GLI3: variants seen among roughly 807,000 people sequenced by gnomAD.
GLI3 encodes the protein transcription activator GLI3.
A neutral mutation model predicts 100.8 loss-of-function variants in GLI3; 20 were observed. The ratio of observed to expected loss-of-function variants is 0.20; its 90% CI spans 0.14 to 0.29. The LOEUF (loss-of-function observed/expected upper bound fraction) is 0.29. Ranked by LOEUF, GLI3 falls within the 10% of genes least tolerant of loss-of-function variation. The pLI, the probability that GLI3 is intolerant of heterozygous loss-of-function variation, is 1.00. For synonymous variants in GLI3, 938 were observed against 860.5 expected (o/e 1.09, Z -1.58); for missense variants, 2,040 against 2,128.5 (o/e 0.96, Z 0.82).
In GLI3 at chr7:42,209,632, A is replaced by G. The variant is rs369202564; in HGVS notation, c.124+13498T>C. Among the ~76,000 whole-genome samples the G allele has an allele frequency of 3.3e-5, 5 of 152,262 alleles. No individual in the cohort carries two copies. The East Asian group carries it at 7.7e-4, about 23-fold the overall frequency. ...GAATATCAAGAATATCAAGGGAGAG[A>G]GAGCTCTTTAAATCATGTGACCCAA... On this transcript the variant is annotated intron_variant, in intron 2 of 14. Coordinates refer to ENST00000395925, the MANE Select transcript of GLI3 (RefSeq NM_000168.6).
intron 9 of GLI3, 56 bp downstream of exon 9, chr7:42,025,208 A>G: frequency 8.4e-7 from 1 of 1,195,842 alleles, no homozygotes. Context: ...GAGCTGACCC[A>G]AAGACACCAG....
chr7:42,203,711 AT>A (rs1264679474), intron 2 of GLI3, among the ~76,000 whole-genome samples: 7 of 152,086 alleles, frequency 4.6e-5, no homozygotes, highest in Admixed American at 1.3e-4. Context: ...TAAAATATTG[AT>A]TTGAGGCTTG....
intron 13 of GLI3, among the ~76,000 whole-genome samples, chr7:41,968,752 GA>G (rs1485662763): frequency 1.4e-3 from 170 of 121,354 alleles, no homozygotes; most frequent in Middle Eastern, 4.1e-3. Flanking sequence ...AAGAAAGAAA[GA>G]AAGAAAGAAG....
At position 41,972,811 on chromosome 7, in the gene GLI3, G is replaced by T. The variant is rs1787401128; in HGVS notation, c.1813-184C>A. Among the ~76,000 whole-genome samples, 1 of 152,196 alleles carries T rather than the reference G, an allele frequency of 6.6e-6. No homozygotes were observed. Among genetic ancestry groups the T allele is most frequent in the Admixed American group, 6.5e-5 (1 of 15,290 alleles). ...TAAGGCCATTAGAACACTGTTCCGT[G>T]TCCATAGAATTTAGCTTTAATAGAT... On this transcript the variant is annotated intron_variant, in intron 12 of 14. Transcript: ENST00000395925. This position sits in a 1 kb window ranked among gnomAD's most constrained non-coding sequence, Gnocchi z 4.4.
At chr7:42,114,881 T>C (rs1346578114) in intron 3 of GLI3, among the ~76,000 whole-genome samples, 1 of 151,802 alleles carries the variant, frequency 6.6e-6, no homozygotes, top group Non-Finnish European at 1.5e-5. Flanking sequence ...TTTGTATTTT[T>C]AGTAGAGAGG....
At chr7:42,015,856 G>A (rs558440192) in intron 10 of GLI3, among the ~76,000 whole-genome samples, 54 of 151,948 alleles carry the variant, frequency 3.6e-4, no homozygotes, top group African/African-American at 1.3e-3. Flanking sequence ...ATTTAAACAG[G>A]AGAAACTTTT....
At chr7:41,974,242 T>A (rs1302571198) in intron 12 of GLI3, among the ~76,000 whole-genome samples, 1 of 152,218 alleles carries the variant, frequency 6.6e-6, no homozygotes, top group East Asian at 1.9e-4. Context: ...GCTCCTGCAC[T>A]TCCAGAAACA....
rs1331972857 is a variant in GLI3 at position 42,170,273 on chromosome 7, T to C, written c.125-21805A>G. Among the ~76,000 whole-genome samples the C allele has an allele frequency of 1.6e-4, 23 of 145,892 alleles. 1 individual carries two copies. In the South Asian group the frequency reaches 4.9e-3, roughly 31 times the overall value. ...TTTCAAAAAAAAAAAAAATTATATA[T>C]ATATATATATATATACACACACATA... On this transcript the variant is annotated intron_variant, in intron 2 of 14. Coordinates refer to ENST00000395925, the MANE Select transcript of GLI3 (RefSeq NM_000168.6).
chr7:42,005,954 G>A (rs1463466241), intron 10 of GLI3, among the ~76,000 whole-genome samples: 1 of 152,034 alleles, frequency 6.6e-6, no homozygotes, highest in African/African-American at 2.4e-5. Flanking sequence ...AGTTCAGCAT[G>A]GTCTCCATAA....
intron 1 of GLI3, among the ~76,000 whole-genome samples, chr7:42,226,206 T>C (rs1788578360): frequency 6.6e-6 from 1 of 152,198 alleles, no homozygotes; most frequent in Admixed American, 6.5e-5. Flanking sequence ...TGTATTTGAG[T>C]AGAGTCTACA....
intron 3 of GLI3, chr7:42,113,747 A>G: frequency 1.7e-6 from 1 of 575,226 alleles, no homozygotes; most frequent in African/African-American, 1.9e-5. Context: ...TAGCACACAG[A>G]ACACTTCATT....
At chr7:42,065,797 C>T (rs1256943664) in intron 4 of GLI3, among the ~76,000 whole-genome samples, 2 of 152,164 alleles carry the variant, frequency 1.3e-5, no homozygotes, top group Non-Finnish European at 1.5e-5. Context: ...ACCTGAACTA[C>T]CCTCCTTCAA....
At chr7:42,059,626 A>T (rs1040596425) in intron 4 of GLI3, among the ~76,000 whole-genome samples, 1 of 152,248 alleles carries the variant, frequency 6.6e-6, no homozygotes, top group Admixed American at 6.5e-5. Flanking sequence ...AGACATTCAT[A>T]TGTCCAGTTG....
upstream of GLI3, among the ~76,000 whole-genome samples, chr7:42,238,567 C>G (rs1206660514): frequency 1.3e-5 from 2 of 152,204 alleles, no homozygotes; most frequent in Non-Finnish European, 2.9e-5. Context: ...AAAACAAAGA[C>G]CCCAGGCTTG....
chr7:42,105,414 T>A (rs1785550948), intron 3 of GLI3, among the ~76,000 whole-genome samples: 1 of 151,858 alleles, frequency 6.6e-6, no homozygotes, highest in Non-Finnish European at 1.5e-5. Flanking sequence ...CAAATATTTA[T>A]AAAAATTACT....
chr7:42,060,555 T>A (rs997200883), intron 4 of GLI3, among the ~76,000 whole-genome samples: 1 of 152,186 alleles, frequency 6.6e-6, no homozygotes, highest in Non-Finnish European at 1.5e-5. Flanking sequence ...AAAACAAAAA[T>A]TTTTTAATCA....
At chr7:42,251,036 T>C (rs1211518426) in intron 1 of GLI3, among the ~76,000 whole-genome samples, 1 of 152,136 alleles carries the variant, frequency 6.6e-6, no homozygotes, top group African/African-American at 2.4e-5. Context: ...GATGGAACCA[T>C]AATTTCTGTT....
intron 2 of GLI3, among the ~76,000 whole-genome samples, chr7:42,170,449 T>C (rs1787347769): frequency 2.8e-5 from 4 of 142,562 alleles, no homozygotes; most frequent in East Asian, 2.1e-4. Flanking sequence ...GTCGCCCAGA[T>C]TGGAGTGCAG....
At chr7:42,204,610 A>G (rs1788112191) in intron 2 of GLI3, among the ~76,000 whole-genome samples, 1 of 152,222 alleles carries the variant, frequency 6.6e-6, no homozygotes, top group South Asian at 2.1e-4. Flanking sequence ...TTTGTTGACT[A>G]TGGAAGCACA....
Sources: allele counts gnomAD v4.1 joint callset (sites outside exome capture counted in the v4.1 genomes callset), GRCh38; gene constraint gnomAD v4.1.1; non-coding constraint Gnocchi (gnomAD v3.1); transcripts MANE v1.5; gene names NCBI Gene and HGNC (gene_info 2026-07-23, HGNC 2026-07-21).